The following GRIP1 variants were observed in gnomAD, a reference collection of about 807,000 sequenced individuals.
GRIP1 encodes the protein glutamate receptor-interacting protein 1.
GRIP1 carries 45 observed loss-of-function variants against 129.9 expected under a neutral mutation model. The observed-to-expected ratio is 0.35, with a 90% CI of 0.27 to 0.44. The LOEUF is 0.44. Among genes scored for constraint, GRIP1 ranks in the 20% least tolerant of loss-of-function variants. The pLI, the probability that GRIP1 is intolerant of heterozygous loss-of-function variation, is 1.00. For synonymous variants in GRIP1, 530 were observed against 520.8 expected (o/e 1.02, Z -0.24); for missense variants, 1,196 against 1,396.8 (o/e 0.86, Z 2.29).
chr12:66,624,938 G>A (rs560193124), intron 1 of GRIP1, among the ~76,000 whole-genome samples: 27 of 151,098 alleles, frequency 1.8e-4, no homozygotes, highest in African/African-American at 3.6e-4. Flanking sequence ...GTTTTAAAAC[G>A]TCAAATGCAA....
chr12:66,942,167 G>A (rs1191114847), intron 1 of GRIP1, among the ~76,000 whole-genome samples: 1 of 152,184 alleles, frequency 6.6e-6, no homozygotes, highest in Admixed American at 6.5e-5. Flanking sequence ...ATTCCATCAA[G>A]GTTGAGGAAT....
At chr12:67,063,482 T>C (rs765361592) in intron 1 of GRIP1, among the ~76,000 whole-genome samples, 11 of 152,210 alleles carry the variant, frequency 7.2e-5, no homozygotes, top group Non-Finnish European at 1.5e-4. Flanking sequence ...TTTATATTTA[T>C]ATTTAAGAAT....
chr12:66,857,261 A>G (rs2040023391), intron 1 of GRIP1, among the ~76,000 whole-genome samples: 1 of 152,086 alleles, frequency 6.6e-6, no homozygotes, highest in African/African-American at 2.4e-5. Context: ...ATTAGGAGAT[A>G]TACCTAATGT....
At chr12:67,041,812 T>A (rs2043185232) in intron 1 of GRIP1, among the ~76,000 whole-genome samples, 1 of 152,076 alleles carries the variant, frequency 6.6e-6, no homozygotes, top group Admixed American at 6.6e-5. Flanking sequence ...GTTTCATATG[T>A]TTTAATGCTG....
intron 1 of GRIP1, among the ~76,000 whole-genome samples, chr12:66,785,343 C>CATACATACATACATATATATAT (rs377630345): frequency 2.7e-4 from 20 of 72,788 alleles, no homozygotes; most frequent in African/African-American, 7.6e-4. Flanking sequence ...TACATACATA[C>CATACATACATACATATATATAT]ATATATATAT....
chr12:66,709,246 T>C (rs371217579), intron 1 of GRIP1, among the ~76,000 whole-genome samples: 2 of 151,888 alleles, frequency 1.3e-5, no homozygotes, highest in East Asian at 3.9e-4. Context: ...AGAAGAAAAA[T>C]GTTTTTGCTC....
At chr12:66,979,647 T>G (rs914526520) in intron 1 of GRIP1, among the ~76,000 whole-genome samples, 1 of 152,214 alleles carries the variant, frequency 6.6e-6, no homozygotes, top group Non-Finnish European at 1.5e-5. Flanking sequence ...ATGATGTGAA[T>G]GTGACTTTAT....
intron 1 of GRIP1, among the ~76,000 whole-genome samples, chr12:66,738,228 CT>C (rs548292141): frequency 2.7e-5 from 4 of 145,694 alleles, no homozygotes; most frequent in Admixed American, 2.0e-4. Flanking sequence ...TTTTTTTTTT[CT>C]TTTTTTTTGA....
At chr12:66,524,697 A>T (rs1245819421) in intron 5 of GRIP1, among the ~76,000 whole-genome samples, 1 of 152,240 alleles carries the variant, frequency 6.6e-6, no homozygotes, top group African/African-American at 2.4e-5. Context: ...ACTGACGGAA[A>T]TAGAGACACA....
chr12:66,561,726 TA>T (rs1470065921), intron 2 of GRIP1, among the ~76,000 whole-genome samples: 25 of 152,176 alleles, frequency 1.6e-4, no homozygotes, highest in Admixed American at 4.6e-4. Flanking sequence ...GTATATGGCT[TA>T]AAAAAATATA....
At position 66,650,130 on chromosome 12, in the gene GRIP1, C is replaced by T. The variant is rs536080335; in HGVS notation, c.55+28720G>A. ...TGGCCATTTCCTTCCAAGTGCCCAA[C>T]GGCGGGTAGCTCCACATCCAAGGGA... On this transcript the variant is annotated intron_variant, in intron 1 of 24. Coordinates refer to ENST00000359742, the MANE Select transcript of GRIP1 (RefSeq NM_001366722.1). 7.9e-4 allele frequency among the ~76,000 whole-genome samples: 121 copies of T among 152,314 alleles called. 1 individual carries two copies. The South Asian group carries it at 0.024, about 30-fold the overall frequency.
chr12:66,504,658 T>C (rs2060478863), intron 7 of GRIP1, among the ~76,000 whole-genome samples: 1 of 152,102 alleles, frequency 6.6e-6, no homozygotes, highest in East Asian at 1.9e-4. Context: ...TAATCAGAGA[T>C]GACATAAAAA....
At chr12:66,901,983 C>T (rs1025089314) in intron 1 of GRIP1, among the ~76,000 whole-genome samples, 1 of 152,158 alleles carries the variant, frequency 6.6e-6, no homozygotes, top group African/African-American at 2.4e-5. Context: ...AGATCATGTG[C>T]ATATGGGCAG....
chr12:66,806,638 T>C (rs1439605977), upstream of GRIP1, among the ~76,000 whole-genome samples: 3 of 150,740 alleles, frequency 2.0e-5, no homozygotes, highest in Non-Finnish European at 4.4e-5. Flanking sequence ...TTAAAACATT[T>C]CACTAGAGTT....
In GRIP1 at chr12:66,465,285, T is replaced by C; in HGVS notation, c.862A>G (p.Ile288Val). The C allele has an allele frequency of 1.2e-6, 2 of 1,613,344 alleles. No individual in the cohort carries two copies. The highest frequency in any genetic ancestry group is 1.7e-6 in the Non-Finnish European group (2 of 1,179,330). The change falls in exon 8 of 25, where the codon ATT becomes GTT. Residue 288 changes from isoleucine to valine, a missense_variant. Ile to Val is a conservative substitution (Grantham distance 29). Coordinates refer to ENST00000359742, the MANE Select transcript of GRIP1 (RefSeq NM_001366722.1). ...IVIDKIKSAS[I>V]ADRCGALHVG... ...TTCTACAATACTTACCTGTCTGCAATACTTGCAGATTTGATTTTGTCTATG... is the reference window on the plus strand; with the variant it reads ...TTCTACAATACTTACCTGTCTGCAACACTTGCAGATTTGATTTTGTCTATG...
chr12:66,843,616 C>T (rs1359100667), intron 1 of GRIP1, among the ~76,000 whole-genome samples: 1 of 151,876 alleles, frequency 6.6e-6, no homozygotes, highest in African/African-American at 2.4e-5. Context: ...ACACAGAGGC[C>T]AATAAAACAG....
intron 1 of GRIP1, among the ~76,000 whole-genome samples, chr12:66,785,345 T>TAC (rs564822274): frequency 0.012 from 1,290 of 107,156 alleles, 25 homozygotes; most frequent in Non-Finnish European, 0.02. Context: ...CATACATACA[T>TAC]ATATATATAT....
chr12:66,466,460 A>G (rs2059289027), intron 7 of GRIP1, among the ~76,000 whole-genome samples: 1 of 152,230 alleles, frequency 6.6e-6, no homozygotes, highest in South Asian at 2.1e-4. Flanking sequence ...AGAGCCACAG[A>G]CACAAGGGAA....
chr12:66,556,906 G>A (rs186998886), intron 2 of GRIP1, among the ~76,000 whole-genome samples: 1 of 151,006 alleles, frequency 6.6e-6, no homozygotes, highest in East Asian at 1.9e-4. Flanking sequence ...AGGAAGGAAT[G>A]ACAGAAAAAA....
Sources: allele counts gnomAD v4.1 joint callset (sites outside exome capture counted in the v4.1 genomes callset), GRCh38; gene constraint gnomAD v4.1.1; transcripts MANE v1.5; gene names NCBI Gene and HGNC (gene_info 2026-07-23, HGNC 2026-07-21).